Variants in RALGDS observed in about 807,000 individuals in gnomAD.
The protein encoded by RALGDS is ral guanine nucleotide dissociation stimulator, also known as ral guanine nucleotide exchange factor.
In RALGDS, 44 loss-of-function variants were observed where a neutral mutation model predicts 99.8. That is an observed-to-expected ratio of 0.44 (90% CI 0.35 to 0.57). RALGDS has a LOEUF of 0.57. RALGDS is among the 20% of genes least tolerant of loss of function. The pLI, the probability that RALGDS is intolerant of heterozygous loss-of-function variation, is 0.01. For synonymous variants in RALGDS, 529 were observed against 505.0 expected (o/e 1.05, Z -0.64); for missense variants, 1,022 against 1,203.1 (o/e 0.85, Z 2.23).
intron 14 of RALGDS, among the ~76,000 whole-genome samples, 154 bp downstream of exon 14, chr9:133,102,322 C>T (rs1830794618): frequency 6.6e-6 from 1 of 152,134 alleles, no homozygotes. Flanking sequence ...AACTGAGGCC[C>T]AAAAAGGTGA....
In RALGDS at chr9:133,108,325, G is replaced by A. The variant is rs374513332; in HGVS notation, c.860C>T (p.Pro287Leu). 8.4e-6 allele frequency: 13 copies of A among 1,544,252 alleles called. No individual in the cohort carries two copies. In the African/African-American group the frequency reaches 9.6e-5, roughly 11 times the overall value. The change falls in exon 6 of 18, where the codon CCG (proline) becomes CTG (leucine). Residue 287 changes from proline to leucine, a missense_variant. This residue lies in a region of RALGDS where 825 missense variants were observed against 994.5 expected (regional missense o/e 0.83). Coordinates refer to ENST00000372050, the MANE Select transcript of RALGDS (RefSeq NM_006266.4). ...LTPARAPSPV[P>L]APAPEPEPAP... ...TGGCTCTGGCTCCGGGGCTGGAGCCGGCACTGGGCTGGGTGCTCGAGCTGG... is the reference window on the plus strand; with the variant it reads ...TGGCTCTGGCTCCGGGGCTGGAGCCAGCACTGGGCTGGGTGCTCGAGCTGG...
At chr9:133,131,814 A>G (rs1832339722), upstream of RALGDS, among the ~76,000 whole-genome samples, 1 of 152,206 alleles carries the variant, frequency 6.6e-6, no homozygotes, top group South Asian at 2.1e-4. Flanking sequence ...ACCCTGGGCC[A>G]ATGATTTAGC....
chr9:133,099,994 TA>T (rs1830679735), intron 17 of RALGDS: 1 of 524,830 alleles, frequency 1.9e-6, no homozygotes, highest in African/African-American at 1.9e-5. Context: ...GCCACGTGGC[TA>T]ACCTGTCCCA....
intron 9 of RALGDS, among the ~76,000 whole-genome samples, 173 bp downstream of exon 9, chr9:133,105,759 C>T (rs1358739903): frequency 3.9e-5 from 6 of 152,074 alleles, no homozygotes; most frequent in African/African-American, 1.4e-4. Flanking sequence ...GATCCCTCTT[C>T]CCCCTTCACG....
At chr9:133,132,638 T>C (rs774977537), upstream of RALGDS, among the ~76,000 whole-genome samples, 4 of 151,342 alleles carry the variant, frequency 2.6e-5, no homozygotes, top group Non-Finnish European at 5.9e-5. Context: ...CAACTTTCTT[T>C]TTTTCTTTTT....
intron 1 of RALGDS, chr9:133,129,177 G>A: frequency 1.3e-6 from 2 of 1,597,086 alleles, no homozygotes; most frequent in Non-Finnish European, 1.7e-6. Context: ...GCCAGCCAAG[G>A]TGTCGGGCTT....
intron 9 of RALGDS, among the ~76,000 whole-genome samples, chr9:133,105,621 G>A (rs981725321): frequency 5.3e-5 from 8 of 152,106 alleles, no homozygotes; most frequent in Admixed American, 2.6e-4. Flanking sequence ...CCCAGCAGGA[G>A]GGACCGGCGA....
intron 1 of RALGDS, among the ~76,000 whole-genome samples, chr9:133,137,977 G>A (rs972400312): frequency 2.6e-5 from 4 of 152,232 alleles, no homozygotes; most frequent in African/African-American, 9.6e-5. Context: ...CGGGCCAGGG[G>A]AACCAGGACA....
chr9:133,117,457 T>C (rs2119198621), intron 1 of RALGDS, among the ~76,000 whole-genome samples: 1 of 152,310 alleles, frequency 6.6e-6, no homozygotes, highest in South Asian at 2.1e-4. Context: ...AGCTTCCCCA[T>C]GGAGGAAAAC....
At position 133,112,084 on chromosome 9, in the gene RALGDS, C is replaced by A. The variant is rs62638720; in HGVS notation, c.252G>T (p.Val84=). 6.0e-4 allele frequency: 948 copies of A among 1,586,186 alleles called. 10 individuals are homozygous for A. In the African/African-American group the frequency reaches 0.011, roughly 19 times the overall value. Residue 84 remains valine (V), a synonymous_variant, in exon 2 of 18, where the codon GTG becomes GTT. Transcript: ENST00000372050. ...GVIYSISLRK[V]QLHHGGNKGQ... ...CCTTGTTGCCTCCGTGGTGCAGCTG[C>A]ACCTTGCGCAGGGAGATGGAGTAGA...
At chr9:133,143,049 A>G (rs1832550538) in intron 1 of RALGDS, among the ~76,000 whole-genome samples, 1 of 152,250 alleles carries the variant, frequency 6.6e-6, no homozygotes, top group African/African-American at 2.4e-5. Context: ...CTGAGCAGAT[A>G]CAAGGGACAC....
In RALGDS at chr9:133,131,034, G is replaced by A. The variant is rs551828401; in HGVS notation, c.50C>T (p.Pro17Leu). Residue 17 changes from proline to leucine, a missense_variant, in exon 1 of 18, where the codon CCG (proline) becomes CTG (leucine). Transcript: ENST00000372062. ...GGGCAGGGAGCAGAACAGCAGAGGCGGGGAGGAGAGGGTGTGGGCAGGGGC... is the reference window on the plus strand; with the variant it reads ...GGGCAGGGAGCAGAACAGCAGAGGCAGGGAGGAGAGGGTGTGGGCAGGGGC... The A allele has an allele frequency of 6.3e-4, 972 of 1,533,376 alleles. 1 individual carries two copies. Among genetic ancestry groups the A allele is most frequent in the Non-Finnish European group, 8.1e-4 (931 of 1,145,648 alleles). 95.0% of individuals were successfully genotyped at this position (1,533,376 alleles called of 1,614,324 possible). A position where few individuals can be genotyped will look rare whatever the true frequency, so the allele number is the denominator to read the frequency against.
chr9:133,114,139 C>CG (rs945014705), intron 1 of RALGDS, among the ~76,000 whole-genome samples: 3 of 152,180 alleles, frequency 2.0e-5, no homozygotes, highest in Non-Finnish European at 4.4e-5. Flanking sequence ...CCCCCACCCC[C>CG]GGGGGGCCCT....
intron 12 of RALGDS, 56 bp downstream of exon 12, chr9:133,103,174 C>T: frequency 1.2e-6 from 2 of 1,600,692 alleles, no homozygotes; most frequent in Non-Finnish European, 1.7e-6. Flanking sequence ...AATGTCCTAC[C>T]CTGGTGGGTC....
At chr9:133,146,799 G>T (rs944433376) in intron 1 of RALGDS, among the ~76,000 whole-genome samples, 1 of 152,220 alleles carries the variant, frequency 6.6e-6, no homozygotes, top group African/African-American at 2.4e-5. Flanking sequence ...CTGCCCTACA[G>T]AGAGACCCAC....
rs565678301 is a variant in RALGDS, at chr9:133,104,765, T to C, written c.1603-434A>G. ...AGGTGGGGATTGCAGTGAGCCGAGA[T>C]CACGCCATTGCACTCCAGCCTGGGA... is the stretch of plus-strand genomic sequence containing the variant. On this transcript the variant is annotated intron_variant, in intron 9 of 17. Coordinates refer to ENST00000372050, the MANE Select transcript of RALGDS (RefSeq NM_006266.4). Among the ~76,000 whole-genome samples the C allele has an allele frequency of 1.4e-4, 21 of 152,246 alleles. 1 individual carries two copies. The South Asian group carries it at 3.7e-3, about 27-fold the overall frequency.
chr9:133,110,466 G>A lies in RALGDS; in HGVS notation c.318C>T (p.Asn106=). Residue 106 remains asparagine, a synonymous_variant, in exon 3 of 18, where the codon AAC becomes AAT. Transcript: ENST00000372050. ...WLGYENESAL[N]LYETCKVRTV... The stretch of plus-strand genomic sequence containing the variant: ...TCCGCACCTTGCAAGTCTCATAAAG[G>A]TTCAGGGCCGACTCATTCTCATACT... 1 of 1,613,020 alleles carries A rather than the reference G, an allele frequency of 6.2e-7. No individual in the cohort carries two copies.
upstream of RALGDS, among the ~76,000 whole-genome samples, chr9:133,124,029 CACACACAGAG>C (rs1220637868): frequency 8.8e-4 from 92 of 104,296 alleles, 18 homozygotes; most frequent in Admixed American, 1.3e-3. Flanking sequence ...CACAGAGATG[CACACACAGAG>C]ACACACAGAG....
intron 1 of RALGDS, chr9:133,130,891 C>G: frequency 6.8e-7 from 1 of 1,460,006 alleles, no homozygotes; most frequent in East Asian, 2.5e-5. Context: ...AGAGCCCCAA[C>G]CCCAAAGCCC....
Sources: gnomAD v4.1 joint callset for allele counts (sites outside exome capture counted in the v4.1 genomes callset) on GRCh38, gnomAD v4.1.1 for gene constraint, gnomAD v4.1.1 regional missense constraint, MANE v1.5 for transcripts, NCBI Gene and HGNC (gene_info 2026-07-23, HGNC 2026-07-21) for gene names.